The following B3GALT1 variants were observed in gnomAD, a reference collection of about 807,000 sequenced individuals.
B3GALT1 encodes beta-1,3-galactosyltransferase 1, also known as UDP-Gal:betaGlcNAc beta 1,3-galactosyltransferase, polypeptide 1.
In B3GALT1, 10 loss-of-function variants were observed where a neutral mutation model predicts 23.2. That is an observed-to-expected ratio of 0.43 (90% CI 0.27 to 0.73). The LOEUF (loss-of-function observed/expected upper bound fraction) is 0.73. B3GALT1 is among the 30% of genes least tolerant of loss of function. The pLI is 0.21. For synonymous variants in B3GALT1, 156 were observed against 141.5 expected (o/e 1.10, Z -0.73); for missense variants, 299 against 405.4 (o/e 0.74, Z 2.25).
At chr2:167,326,953 G>A (rs1696905975) in intron 1 of B3GALT1, among the ~76,000 whole-genome samples, 1 of 152,060 alleles carries the variant, frequency 6.6e-6, no homozygotes, top group Admixed American at 6.5e-5. Flanking sequence ...GCCTCCCAAA[G>A]TGCTGGGGTT....
intron 2 of B3GALT1, among the ~76,000 whole-genome samples, chr2:167,621,818 A>T (rs1685265477): frequency 6.6e-6 from 1 of 152,016 alleles, no homozygotes; most frequent in Non-Finnish European, 1.5e-5. Context: ...CTTGTGAAGA[A>T]GGACATGTTT....
At chr2:167,521,987 T>TATATATATATATATATATACACAC (rs1700195423) in intron 2 of B3GALT1, among the ~76,000 whole-genome samples, 6 of 114,146 alleles carry the variant, frequency 5.3e-5, no homozygotes, top group Non-Finnish European at 1.1e-4. Flanking sequence ...TGTGTGTGTA[T>TATATATATATATATATATACACAC]ATATATATAT....
At chr2:167,764,376 A>G (rs1022767676) in intron 3 of B3GALT1, among the ~76,000 whole-genome samples, 9 of 152,228 alleles carry the variant, frequency 5.9e-5, no homozygotes, top group African/African-American at 2.2e-4. Flanking sequence ...TAAGGATCTT[A>G]GGTGGCAATT....
At chr2:167,317,247 C>T (rs185041039) in intron 1 of B3GALT1, among the ~76,000 whole-genome samples, 1 of 152,230 alleles carries the variant, frequency 6.6e-6, no homozygotes, top group African/African-American at 2.4e-5. Context: ...GACAATGTTA[C>T]AGGATCCAGA....
intron 2 of B3GALT1, among the ~76,000 whole-genome samples, chr2:167,546,597 G>A (rs1026038212): frequency 2.6e-5 from 4 of 151,932 alleles, no homozygotes; most frequent in African/African-American, 9.7e-5. Context: ...ACTTCCTTTG[G>A]GTAAGCTAAT....
intron 3 of B3GALT1, among the ~76,000 whole-genome samples, chr2:167,717,464 T>G (rs139804889): frequency 2.2e-3 from 331 of 148,834 alleles, no homozygotes; most frequent in South Asian, 0.011. Context: ...TATACAGTGA[T>G]AGTCATGTTG....
chr2:167,699,380 ATTTTTTT>A (rs1169813738), intron 3 of B3GALT1, among the ~76,000 whole-genome samples: 3,047 of 100,244 alleles, frequency 0.03, 77 homozygotes, highest in African/African-American at 0.093. Context: ...CATTATTTCT[ATTTTTTT>A]TTTTTTTTTT....
intron 3 of B3GALT1, among the ~76,000 whole-genome samples, chr2:167,818,162 AGTTTT>A (rs1312564843): frequency 4.6e-5 from 7 of 152,324 alleles, no homozygotes; most frequent in African/African-American, 7.2e-5. Flanking sequence ...TGACCTGTGC[AGTTTT>A]GTTTTATTTT....
chr2:167,799,406 G>GTT (rs1688598949), intron 3 of B3GALT1, among the ~76,000 whole-genome samples: 1 of 151,994 alleles, frequency 6.6e-6, no homozygotes, highest in African/African-American at 2.4e-5. Flanking sequence ...TGTACCCTTG[G>GTT]CTTAGCTCCC....
rs150962057 is a variant in B3GALT1, at chr2:167,724,510, A to G, written c.-352+77544A>G. ...GTTTTGTCAAACTTTTTGATCTCTG[A>G]CCCTTTACTCTCTTAGAAATTATTG... is the stretch of plus-strand genomic sequence containing the variant. On this transcript the variant is annotated intron_variant, in intron 3 of 4. Coordinates refer to ENST00000392690, the MANE Select transcript of B3GALT1 (RefSeq NM_020981.4). 9.5e-3 allele frequency among the ~76,000 whole-genome samples: 1,442 copies of G among 152,210 alleles called. 16 individuals are homozygous for G. The highest frequency in any genetic ancestry group is 0.012 in the Non-Finnish European group (783 of 68,004).
intron 1 of B3GALT1, among the ~76,000 whole-genome samples, chr2:167,390,263 C>T (rs550554801): frequency 2.0e-5 from 3 of 152,310 alleles, no homozygotes; most frequent in Admixed American, 6.5e-5. Context: ...GATAGAGTTG[C>T]TCCTGGTGTG....
At chr2:167,475,825 T>C (rs1699477457) in intron 1 of B3GALT1, among the ~76,000 whole-genome samples, 1 of 152,146 alleles carries the variant, frequency 6.6e-6, no homozygotes, top group African/African-American at 2.4e-5. Context: ...GGGTTCCTTC[T>C]GAAGGCCATG....
chr2:167,446,737 A>G (rs773037463), intron 1 of B3GALT1, among the ~76,000 whole-genome samples: 18 of 152,038 alleles, frequency 1.2e-4, no homozygotes, highest in Non-Finnish European at 2.2e-4. Flanking sequence ...ACTTCTCTAC[A>G]CTGGTTATTC....
At chr2:167,495,259 C>T (rs905339020) in intron 2 of B3GALT1, among the ~76,000 whole-genome samples, 7 of 147,560 alleles carry the variant, frequency 4.7e-5, no homozygotes, top group Admixed American at 4.1e-4. Context: ...GAAAGTGAAA[C>T]TTTGATACAC....
In B3GALT1 at chr2:167,450,611, T is replaced by G. The variant is rs571516417; in HGVS notation, c.-510-39566T>G. ...CTGTAGGTTACCTGGTGCTTTTGCC[T>G]CACAGCTCTTAAGATTCTTTCCTTC... is the stretch of plus-strand genomic sequence containing the variant. On this transcript the variant is annotated intron_variant, in intron 1 of 4. Coordinates refer to ENST00000392690, the MANE Select transcript of B3GALT1 (RefSeq NM_020981.4). Among the ~76,000 whole-genome samples, 5 of 152,320 alleles carry G rather than the reference T, an allele frequency of 3.3e-5. No homozygotes were observed. The South Asian group carries it at 1.0e-3, about 32-fold the overall frequency.
chr2:167,753,406 A>G (rs1429636274), intron 3 of B3GALT1, among the ~76,000 whole-genome samples: 1 of 152,174 alleles, frequency 6.6e-6, no homozygotes, highest in East Asian at 1.9e-4. Context: ...CCTGCTGAGG[A>G]GTGAAACCAT....
intron 3 of B3GALT1, among the ~76,000 whole-genome samples, chr2:167,674,845 T>A (rs902963327): frequency 6.6e-6 from 1 of 152,236 alleles, no homozygotes; most frequent in Non-Finnish European, 1.5e-5. Flanking sequence ...AGTTGCATAT[T>A]TGTGATATGT....
Position 167,870,146 on chromosome 2 carries a change from T to C in B3GALT1, c.*126T>C. 2.0e-6 allele frequency: 2 copies of C among 1,003,662 alleles called. No homozygotes were observed. Among genetic ancestry groups the C allele is most frequent in the South Asian group, 2.0e-5 (1 of 49,480 alleles). The allele number at this position is 1,003,662 out of a possible 1,614,324, so 62.2% of individuals were successfully genotyped here. A position where few individuals can be genotyped will look rare whatever the true frequency, so the allele number is the denominator to read the frequency against. On this transcript the variant is annotated 3_prime_UTR_variant, in exon 5 of 5. Coordinates refer to ENST00000392690, the MANE Select transcript of B3GALT1 (RefSeq NM_020981.4). ...GTTTTGTAAAGTTTTTGCTTCCTGC[T>C]ATAAGTTCTTTTCTTGGATTACCAA...
intron 1 of B3GALT1, among the ~76,000 whole-genome samples, chr2:167,379,920 C>T (rs141866068): frequency 1.2e-4 from 19 of 152,336 alleles, no homozygotes; most frequent in African/African-American, 4.3e-4. Context: ...GGAGATCTGC[C>T]TGTGCATGTA....
Sources: allele counts gnomAD v4.1 joint callset (sites outside exome capture counted in the v4.1 genomes callset), GRCh38; gene constraint gnomAD v4.1.1; transcripts MANE v1.5; gene names NCBI Gene and HGNC (gene_info 2026-07-23, HGNC 2026-07-21).